The following MBD5 variants were observed in gnomAD, a reference collection of about 807,000 sequenced individuals.
The protein encoded by MBD5 is methyl-CpG binding domain protein 5.
MBD5 carries 13 observed loss-of-function variants against 117.3 expected under a neutral mutation model. The observed-to-expected ratio is 0.11, with a 90% confidence interval of 0.07 to 0.18. The LOEUF (loss-of-function observed/expected upper bound fraction) is 0.18, where lower values mean the gene tolerates loss of function less well. Ranked by LOEUF, MBD5 falls within the 10% of genes least tolerant of loss-of-function variation. The pLI is 1.00. For missense variants in MBD5, 1,879 were observed against 2,093.8 expected (o/e 0.90, Z 2.00); for synonymous variants, 727 against 766.4 (o/e 0.95, Z 0.85).
chr2:148,025,812 T>G (rs1478314583), intron 1 of MBD5: 1 of 152,166 alleles, frequency 6.6e-6, no homozygotes, highest in Admixed American at 6.5e-5. Flanking sequence ...AAAATCCTCA[T>G]AAGAAACTTC....
At chr2:148,157,752 G>T (rs1256468380) in intron 1 of MBD5, among the ~76,000 whole-genome samples, 1 of 152,006 alleles carries the variant, frequency 6.6e-6, no homozygotes, top group Non-Finnish European at 1.5e-5. Context: ...TTATTTTTTT[G>T]ATACTAATAA....
At chr2:148,447,070 A>G (rs1194583422) in intron 4 of MBD5, among the ~76,000 whole-genome samples, 1 of 150,634 alleles carries the variant, frequency 6.6e-6, no homozygotes, top group Non-Finnish European at 1.5e-5. Flanking sequence ...AGAAAGAAAG[A>G]AAAAGAAAGA....
chr2:148,345,932 G>C (rs1399579658), intron 4 of MBD5: 1 of 151,834 alleles, frequency 6.6e-6, no homozygotes, highest in Non-Finnish European at 1.5e-5. Flanking sequence ...CTTTACATTT[G>C]CTGGAAGCTG....
chr2:148,200,710 G>T (rs929400001), intron 2 of MBD5, among the ~76,000 whole-genome samples: 1 of 141,212 alleles, frequency 7.1e-6, no homozygotes, highest in African/African-American at 2.6e-5. Flanking sequence ...AAAAAAAAAA[G>T]AAATGTAATC....
intron 8 of MBD5, among the ~76,000 whole-genome samples, chr2:148,472,984 T>A (rs943609415): frequency 6.6e-6 from 1 of 152,182 alleles, no homozygotes; most frequent in Non-Finnish European, 1.5e-5. Flanking sequence ...CTGAGGTTCA[T>A]CTGATTCTAA....
At chr2:148,382,443 G>A (rs150918888) in intron 4 of MBD5, among the ~76,000 whole-genome samples, 1,753 of 152,108 alleles carry the variant, frequency 0.012, 35 homozygotes, top group African/African-American at 0.04. Context: ...AGGAGCACCC[G>A]GATTCATAAA....
rs935613647 is a variant in MBD5, at chr2:148,513,998, A to T, written c.*1057A>T. The T allele has an allele frequency of 6.6e-6, 1 of 152,244 alleles. No individual in the cohort carries two copies. Among genetic ancestry groups the T allele is most frequent in the African/African-American group, 2.4e-5 (1 of 41,472 alleles). The allele number at this position is 152,244 out of a possible 1,614,324, so 9.4% of individuals were successfully genotyped here. ...AATTCATTTTTTTGTAGTGGCAAAT[A>T]TAAATATGAATCATCAAAGCAAGTT... is the stretch of plus-strand genomic sequence containing the variant. On this transcript the variant is annotated 3_prime_UTR_variant, in exon 14 of 14. Coordinates refer to ENST00000642680, the MANE Select transcript of MBD5 (RefSeq NM_001378120.1).
chr2:148,511,870 T>C (rs2105289000), intron 13 of MBD5, among the ~76,000 whole-genome samples: 1 of 152,346 alleles, frequency 6.6e-6, no homozygotes, highest in South Asian at 2.1e-4. Context: ...CTGGATAGCA[T>C]TGCCCTTTGC....
chr2:148,385,673 C>T (rs1209094779), intron 4 of MBD5, among the ~76,000 whole-genome samples: 4 of 151,362 alleles, frequency 2.6e-5, no homozygotes, highest in East Asian at 1.9e-4. Context: ...ATGTTTATTG[C>T]GGCACTATTC....
chr2:148,416,989 T>TTA (rs904886503), intron 4 of MBD5, among the ~76,000 whole-genome samples: 1 of 152,150 alleles, frequency 6.6e-6, no homozygotes, highest in Admixed American at 6.6e-5. Flanking sequence ...CATGGTGTGT[T>TTA]TATATATATA....
At chr2:148,245,955 A>C (rs1452904965) in intron 3 of MBD5, among the ~76,000 whole-genome samples, 1 of 152,176 alleles carries the variant, frequency 6.6e-6, no homozygotes, top group Non-Finnish European at 1.5e-5. Flanking sequence ...ATAGATGAAA[A>C]TATTAAACTG....
rs1194991512 is a variant in MBD5 at position 148,063,829 on chromosome 2, A to C, written c.-925+42145A>C. Among the ~76,000 whole-genome samples the C allele has an allele frequency of 2.0e-5, 3 of 152,182 alleles. No individual in the cohort carries two copies. In the East Asian group the frequency reaches 5.8e-4, roughly 29 times the overall value. ...GTGGACTCTGCCCAACCTGTTCCTG[A>C]GCCAAGGTATTTAATAATCCTATTC... On this transcript the variant is annotated intron_variant, in intron 1 of 13. Transcript: ENST00000642680.
chr2:148,426,658 G>A (rs868732547), intron 4 of MBD5, among the ~76,000 whole-genome samples: 7 of 151,986 alleles, frequency 4.6e-5, no homozygotes, highest in African/African-American at 9.7e-5. Context: ...AATTCAAGAT[G>A]GATTAAAGAC....
intron 3 of MBD5, among the ~76,000 whole-genome samples, chr2:148,300,014 T>A (rs1255593127): frequency 2.0e-5 from 3 of 152,154 alleles, no homozygotes; most frequent in African/African-American, 7.2e-5. Context: ...ATATGAGATA[T>A]CAGGGACCCA....
intron 3 of MBD5, among the ~76,000 whole-genome samples, chr2:148,311,961 A>G (rs1261932797): frequency 6.6e-6 from 1 of 152,186 alleles, no homozygotes; most frequent in Non-Finnish European, 1.5e-5. Context: ...TTCTTTAAGA[A>G]TGTCGAATAT....
At chr2:148,314,914 C>T (rs1022195353) in intron 3 of MBD5, among the ~76,000 whole-genome samples, 33 of 152,016 alleles carry the variant, frequency 2.2e-4, no homozygotes, top group Admixed American at 1.8e-3. Context: ...AAGCTTTTAT[C>T]GACTTATATC....
chr2:148,485,806 A>T lies in MBD5; in HGVS notation c.3609A>T (p.Leu1203Phe). Residue 1203 changes from leucine to phenylalanine, a missense_variant, in exon 10 of 14, where the codon TTA becomes TTT. Physicochemically the swap from Leu to Phe is conservative, Grantham distance 22. Coordinates refer to ENST00000642680, the MANE Select transcript of MBD5 (RefSeq NM_001378120.1). ...AACTGACTCATCTACAGTCGCTGTT[A>T]AACAACAATCAGATGTTTCCTCCAA... ...NHQLTHLQSL[L>F]NNNQMFPPNQ... The T allele has an allele frequency of 6.2e-7, 1 of 1,614,090 alleles. No homozygotes were observed. Among genetic ancestry groups the T allele is most frequent in the Non-Finnish European group, 8.5e-7 (1 of 1,179,962 alleles).
chr2:148,163,875 G>A (rs544693321), intron 1 of MBD5, among the ~76,000 whole-genome samples: 11 of 152,236 alleles, frequency 7.2e-5, no homozygotes, highest in Non-Finnish European at 1.5e-4. Context: ...AAAAGTGGTT[G>A]ACATATGTAA....
At chr2:148,494,577 T>C (rs1224409461) in intron 11 of MBD5, among the ~76,000 whole-genome samples, 2 of 152,246 alleles carry the variant, frequency 1.3e-5, no homozygotes, top group East Asian at 3.8e-4. Context: ...TGTGACAGCA[T>C]TGGAGGACAT....
Sources: gnomAD v4.1 joint callset for allele counts (sites outside exome capture counted in the v4.1 genomes callset) on GRCh38, gnomAD v4.1.1 for gene constraint, MANE v1.5 for transcripts, NCBI Gene and HGNC (gene_info 2026-07-23, HGNC 2026-07-21) for gene names.